The following DDHD1 variants were observed in gnomAD, a reference collection of about 807,000 sequenced individuals.
DDHD1 encodes DDHD domain containing 1.
In DDHD1, 49 loss-of-function variants were observed where a neutral mutation model predicts 96.4. That is an observed-to-expected ratio of 0.51 (90% CI 0.40 to 0.64). The LOEUF (loss-of-function observed/expected upper bound fraction) is 0.64, where lower values mean the gene tolerates loss of function less well. Among genes scored for constraint, DDHD1 ranks in the 30% least tolerant of loss-of-function variants. The pLI, the probability that DDHD1 is intolerant of heterozygous loss-of-function variation, is 0.00. For synonymous variants in DDHD1, 442 were observed against 446.5 expected, an observed-to-expected ratio of 0.99 and a Z score of 0.13; for missense variants, 1,106 against 1,161.2, an observed-to-expected ratio of 0.95 and a Z score of 0.69.
At chr14:53,065,798 G>A (rs1883964695) in intron 6 of DDHD1, among the ~76,000 whole-genome samples, 1 of 152,158 alleles carries the variant, frequency 6.6e-6, no homozygotes, top group African/African-American at 2.4e-5. Flanking sequence ...CCATTTTAAA[G>A]TGTCCACTTC....
Position 53,063,048 on chromosome 14 carries a change from C to T in DDHD1, c.1661G>A (p.Arg554Gln), listed in dbSNP as rs755789866. 47 of 1,613,898 alleles carry T rather than the reference C, an allele frequency of 2.9e-5. No homozygotes were observed. Among genetic ancestry groups the T allele is most frequent in the African/African-American group, 5.3e-5 (4 of 74,882 alleles). The change falls in exon 7 of 13, where the codon CGG (arginine) becomes CAG (glutamine). Residue 554 changes from arginine to glutamine, a missense_variant. Transcript: ENST00000673822. Reference sequence around the variant, plus strand: ...CTTTTGCAGCAACTGTTCATACAGCCGAACTGGATTCCAGCCAGTCATTAT... The same window carrying T: ...CTTTTGCAGCAACTGTTCATACAGCTGAACTGGATTCCAGCCAGTCATTAT... The part of the protein sequence containing the change: ...YDIMTGWNPV[R>Q]LYEQLLQKEE...
At chr14:53,115,504 G>C (rs1432808805) in intron 1 of DDHD1, among the ~76,000 whole-genome samples, 1 of 152,188 alleles carries the variant, frequency 6.6e-6, no homozygotes, top group Non-Finnish European at 1.5e-5. Context: ...ACAAAGGGAA[G>C]CCTATCAGAT....
At chr14:53,060,395 C>T (rs1595099708) in intron 8 of DDHD1, among the ~76,000 whole-genome samples, 4 of 152,258 alleles carry the variant, frequency 2.6e-5, no homozygotes, top group African/African-American at 2.4e-5. Context: ...ATGTAAGTTC[C>T]TTATTTCTAG....
At chr14:53,130,248 T>C (rs1341796158) in intron 1 of DDHD1, among the ~76,000 whole-genome samples, 1 of 152,124 alleles carries the variant, frequency 6.6e-6, no homozygotes, top group East Asian at 1.9e-4. Context: ...CCCAACAATT[T>C]CCTCTCAAAG....
At position 53,040,125 on chromosome 14, in the gene DDHD1, T is replaced by C. The variant is rs1294669303; in HGVS notation, c.*6643A>G. On this transcript the variant is annotated 3_prime_UTR_variant, in exon 13 of 13. Transcript: ENST00000673822. ...GGGAATGGGAAGGTGAGTGGAAAGG[T>C]AGTAGGAGTAGGTTTCTATCTGGCA... 6.6e-6 allele frequency: 1 copy of C among 152,080 alleles called. No individual in the cohort carries two copies. The highest frequency in any genetic ancestry group is 1.5e-5 in the Non-Finnish European group (1 of 68,034). The allele number at this position is 152,080 out of a possible 1,614,324, so 9.4% of individuals were successfully genotyped here.
chr14:53,094,714 T>C (rs779483728), intron 2 of DDHD1, among the ~76,000 whole-genome samples: 7 of 151,788 alleles, frequency 4.6e-5, no homozygotes, highest in South Asian at 2.1e-4. Context: ...CTTGGTGATA[T>C]GTGCCTGTGG....
intron 2 of DDHD1, among the ~76,000 whole-genome samples, chr14:53,098,761 A>G (rs952337324): frequency 2.6e-5 from 4 of 152,082 alleles, no homozygotes; most frequent in African/African-American, 9.7e-5. Flanking sequence ...TGATAGGAAT[A>G]CACACTTCAT....
At chr14:53,054,836 A>C (rs1882902842) in intron 10 of DDHD1, among the ~76,000 whole-genome samples, 1 of 152,234 alleles carries the variant, frequency 6.6e-6, no homozygotes, top group Non-Finnish European at 1.5e-5. Flanking sequence ...AGCTCTAGGA[A>C]TATAACACAG....
chr14:53,104,105 TA>T (rs1887514691), intron 1 of DDHD1, among the ~76,000 whole-genome samples: 1 of 152,160 alleles, frequency 6.6e-6, no homozygotes, highest in Non-Finnish European at 1.5e-5. Context: ...CTAATTTTTA[TA>T]TTATTCTGGT....
chr14:53,116,088 TAAA>T (rs1888522543), intron 1 of DDHD1, among the ~76,000 whole-genome samples: 1 of 152,074 alleles, frequency 6.6e-6, no homozygotes, highest in African/African-American at 2.4e-5. Flanking sequence ...TAATCTCTAA[TAAA>T]ACAGACTTTA....
chr14:53,144,376 G>A (rs1890839142), intron 1 of DDHD1, among the ~76,000 whole-genome samples: 1 of 152,184 alleles, frequency 6.6e-6, no homozygotes, highest in African/African-American at 2.4e-5. Flanking sequence ...TATGGTGTTA[G>A]CCATATAAGA....
chr14:53,080,887 A>G (rs1566546496), intron 4 of DDHD1, among the ~76,000 whole-genome samples: 1 of 152,100 alleles, frequency 6.6e-6, no homozygotes, highest in Non-Finnish European at 1.5e-5. Flanking sequence ...ATGTGCTACC[A>G]TGTCCTGGTT....
At chr14:53,117,395 G>A (rs1013380585) in intron 1 of DDHD1, among the ~76,000 whole-genome samples, 2 of 152,150 alleles carry the variant, frequency 1.3e-5, no homozygotes, top group African/African-American at 4.8e-5. Flanking sequence ...CCTAGCCAAG[G>A]GAAGCTGTGA....
At chr14:53,054,726 C>A in intron 10 of DDHD1, 97 bp from the exon 11 acceptor site, 1 of 1,172,072 alleles carries the variant, frequency 8.5e-7, no homozygotes, top group Non-Finnish European at 1.2e-6. Context: ...GCAGAGGGAC[C>A]AAACCCTAGT....
intron 4 of DDHD1, among the ~76,000 whole-genome samples, chr14:53,080,514 T>C (rs539964444): frequency 5.6e-4 from 86 of 152,334 alleles, no homozygotes; most frequent in African/African-American, 2.0e-3. Context: ...CATCTGTAAG[T>C]TGAAAATGTT....
At position 53,152,885 on chromosome 14, in the gene DDHD1, C is replaced by T; in HGVS notation, c.214G>A (p.Asp72Asn). The T allele has an allele frequency of 6.2e-7, 1 of 1,609,246 alleles. No individual in the cohort carries two copies. ...EPGLHLAPGTDDHNHHLALDP... is the reference protein window; with the variant it reads ...EPGLHLAPGTNDHNHHLALDP... ...AGCGCGAGGTGGTGGTTGTGGTCGT[C>T]GGTGCCCGGCGCCAAATGCAGCCCG... Residue 72 changes from aspartate to asparagine, a missense_variant, in exon 1 of 13, where the codon GAC becomes AAC. Around this residue, in one of 2 missense-constraint regions of DDHD1, gnomAD observed 456 missense variants for 402.4 expected, o/e 1.13. Transcript: ENST00000673822.
In DDHD1 at chr14:53,153,216, A is replaced by C. The variant is rs2139941930; in HGVS notation, c.-118T>G. The stretch of plus-strand genomic sequence containing the variant: ...GAAGTTTCTAATCTTTCAAATCCCG[A>C]CCCGAGCTGCGGCGGCAGCGGCGAC... On this transcript the variant is annotated 5_prime_UTR_variant, in exon 1 of 13. Coordinates refer to ENST00000673822, the MANE Select transcript of DDHD1 (RefSeq NM_001160148.2). 3 of 937,472 alleles carry C rather than the reference A, an allele frequency of 3.2e-6. No homozygotes were observed. Among genetic ancestry groups the C allele is most frequent in the Non-Finnish European group, 4.3e-6 (3 of 698,468 alleles). The allele number at this position is 937,472 out of a possible 1,614,324, so 58.1% of individuals were successfully genotyped here.
chr14:53,063,452 A>G (rs1244774073), intron 6 of DDHD1, among the ~76,000 whole-genome samples: 1 of 151,954 alleles, frequency 6.6e-6, no homozygotes, highest in African/African-American at 2.4e-5. Flanking sequence ...TAGTCCTTAA[A>G]CCAACTGTAT....
At chr14:53,064,429 T>A (rs1357218018) in intron 6 of DDHD1, among the ~76,000 whole-genome samples, 1 of 152,052 alleles carries the variant, frequency 6.6e-6, no homozygotes, top group South Asian at 2.1e-4. Flanking sequence ...ACCAGCTTAC[T>A]CCCATATTAA....
Sources: allele counts gnomAD v4.1 joint callset (sites outside exome capture counted in the v4.1 genomes callset), GRCh38; gene constraint gnomAD v4.1.1; regional missense constraint gnomAD v4.1.1; transcripts MANE v1.5; gene names NCBI Gene and HGNC (gene_info 2026-07-23, HGNC 2026-07-21).